The following ENOPH1 variants were observed in gnomAD, a reference collection of about 807,000 sequenced individuals.
ENOPH1 encodes the protein enolase-phosphatase E1.
A neutral mutation model predicts 31.1 loss-of-function variants in ENOPH1; 14 were observed. The observed-to-expected ratio is 0.45, with a 90% confidence interval of 0.30 to 0.70. The LOEUF (loss-of-function observed/expected upper bound fraction) is 0.70. ENOPH1 is among the 30% of genes least tolerant of loss of function. The pLI is 0.09. For synonymous variants in ENOPH1, 127 were observed against 123.2 expected, an observed-to-expected ratio of 1.03 and a Z score of -0.21; for missense variants, 243 against 321.5, an observed-to-expected ratio of 0.76 and a Z score of 1.87.
In ENOPH1 at chr4:82,451,192, G is replaced by T; in HGVS notation, c.336G>T (p.Gln112His). 6.2e-7 allele frequency: 1 copy of T among 1,614,226 alleles called. No individual in the cohort carries two copies. Among genetic ancestry groups the T allele is most frequent in the Non-Finnish European group, 8.5e-7 (1 of 1,180,036 alleles). Residue 112 changes from glutamine to histidine, a missense_variant, in exon 3 of 6, where the codon CAG becomes CAT. By Grantham distance (24) the Gln-to-His change is conservative (BLOSUM62 0). Transcript: ENST00000273920. ...SLDRKTTALK[Q>H]LQGHMWRAAF... Reference sequence around the variant, plus strand: ...ATCGAAAGACCACTGCACTCAAACAGCTGCAGGGCCACATGTGGAGGGCGG... The same window carrying T: ...ATCGAAAGACCACTGCACTCAAACATCTGCAGGGCCACATGTGGAGGGCGG...
chr4:82,459,854 C>A, intron 5 of ENOPH1, 127 bp from the exon 6 acceptor site: 1 of 967,864 alleles, frequency 1.0e-6, no homozygotes, highest in East Asian at 2.5e-5. Flanking sequence ...CTTTTAGCTT[C>A]AACAGTCATC....
In ENOPH1 at chr4:82,451,240, A is replaced by G. The variant is rs1238526135; in HGVS notation, c.384A>G (p.Lys128=). ...CGGCATTCACAGCTGGGCGCATGAA[A>G]GCAGAGTATGTGCTTGAGTCAGCCT... is the stretch of plus-strand genomic sequence containing the variant. ...WRAAFTAGRM[K]AEFFADVVPA... The change falls in exon 3 of 6, where the codon AAA becomes AAG. Residue 128 remains lysine (K), a synonymous_variant. Coordinates refer to ENST00000273920, the MANE Select transcript of ENOPH1 (RefSeq NM_021204.5). 15 of 1,614,082 alleles carry G rather than the reference A, an allele frequency of 9.3e-6. No individual in the cohort carries two copies. In the Middle Eastern group the frequency reaches 8.2e-4, roughly 88 times the overall value.
intron 4 of ENOPH1, 134 bp from the exon 5 acceptor site, chr4:82,456,781 A>G (rs781029322): frequency 1.1e-5 from 12 of 1,091,300 alleles, no homozygotes; most frequent in African/African-American, 1.6e-5. Flanking sequence ...GCCTCCATAA[A>G]GTTCCCTATT....
chr4:82,459,512 C>T (rs191116649), intron 5 of ENOPH1, among the ~76,000 whole-genome samples: 191 of 152,194 alleles, frequency 1.3e-3, no homozygotes, highest in African/African-American at 4.4e-3. Flanking sequence ...AGGCTGGTCT[C>T]GAACTCTTGG....
intron 1 of ENOPH1, among the ~76,000 whole-genome samples, chr4:82,441,863 T>A (rs990050235): frequency 2.6e-5 from 4 of 152,140 alleles, no homozygotes; most frequent in African/African-American, 9.7e-5. Flanking sequence ...ATCACAGACA[T>A]CTGGCAGTAA....
chr4:82,458,276 G>T (rs1418256598), intron 5 of ENOPH1, among the ~76,000 whole-genome samples: 1 of 152,182 alleles, frequency 6.6e-6, no homozygotes, highest in Non-Finnish European at 1.5e-5. Context: ...GGAGGCCAAG[G>T]TGGGTGGATC....
intron 1 of ENOPH1, among the ~76,000 whole-genome samples, chr4:82,437,169 C>T (rs1252054203): frequency 6.6e-6 from 1 of 152,172 alleles, no homozygotes; most frequent in Non-Finnish European, 1.5e-5. Context: ...GTGGCATTAG[C>T]ATAATCTTTC....
intron 1 of ENOPH1, among the ~76,000 whole-genome samples, chr4:82,445,353 A>G (rs1722149132): frequency 6.6e-6 from 1 of 152,212 alleles, no homozygotes; most frequent in South Asian, 2.1e-4. Flanking sequence ...ATTGGATAAA[A>G]TTTTCACAAT....
At chr4:82,435,996 G>A (rs954520642) in intron 1 of ENOPH1, among the ~76,000 whole-genome samples, 3 of 152,198 alleles carry the variant, frequency 2.0e-5, no homozygotes, top group African/African-American at 4.8e-5. Context: ...AATGCAGGAA[G>A]TGTCAGACTG....
intron 1 of ENOPH1, among the ~76,000 whole-genome samples, chr4:82,438,125 A>G (rs964131583): frequency 1.3e-5 from 2 of 152,232 alleles, no homozygotes; most frequent in African/African-American, 4.8e-5. Context: ...GCATCTGTTA[A>G]TGTAAGACTA....
intron 3 of ENOPH1, 93 bp downstream of exon 3, chr4:82,451,338 T>A: frequency 8.4e-7 from 1 of 1,195,988 alleles, no homozygotes; most frequent in Non-Finnish European, 1.2e-6. Flanking sequence ...GTCACAAGAC[T>A]GGTAAAACAG....
chr4:82,443,335 G>T (rs990911990), intron 1 of ENOPH1, among the ~76,000 whole-genome samples: 2 of 152,006 alleles, frequency 1.3e-5, no homozygotes, highest in Admixed American at 6.6e-5. Context: ...CTACTCAGGA[G>T]GCTGAGGTGG....
At chr4:82,451,314 T>TCTTTCCAG in intron 3 of ENOPH1, 69 bp downstream of exon 3, 1 of 1,451,000 alleles carries the variant, frequency 6.9e-7, no homozygotes. Flanking sequence ...ACCAGTCCTC[T>TCTTTCCAG]CTTTCCAGCG....
In ENOPH1 at chr4:82,460,196, A is replaced by C; in HGVS notation, c.*76A>C. On this transcript the variant is annotated 3_prime_UTR_variant, in exon 6 of 6. Coordinates refer to ENST00000273920, the MANE Select transcript of ENOPH1 (RefSeq NM_021204.5). ...TGTCTAGGTTTATTCTAATGGTAAAAGTAACTTACTTAAAAAACATATGTA... is the reference window on the plus strand; with the variant it reads ...TGTCTAGGTTTATTCTAATGGTAAACGTAACTTACTTAAAAAACATATGTA... 6.7e-7 allele frequency: 1 copy of C among 1,496,594 alleles called. No individual in the cohort carries two copies. Among genetic ancestry groups the C allele is most frequent in the Non-Finnish European group, 9.2e-7 (1 of 1,087,842 alleles). 92.7% of individuals were successfully genotyped at this position (1,496,594 alleles called of 1,614,324 possible).
Position 82,457,039 on chromosome 4 carries a change from G to C in ENOPH1, c.646+1G>C. On this transcript the variant is annotated splice_donor_variant, in intron 5 of 5. Transcript: ENST00000273920. LOFTEE classifies it high-confidence loss of function. ...TTGTTTCTGACAGATGTTACTCGAG[G>C]TGAGTAATAGACTTCTTATATTATA... The C allele has an allele frequency of 6.2e-7, 1 of 1,613,688 alleles. No homozygotes were observed. Among genetic ancestry groups the C allele is most frequent in the Non-Finnish European group, 8.5e-7 (1 of 1,179,790 alleles).
intron 1 of ENOPH1, among the ~76,000 whole-genome samples, chr4:82,439,755 T>C (rs1004096499): frequency 6.6e-6 from 1 of 152,136 alleles, no homozygotes. Flanking sequence ...GTGGTGGCAG[T>C]GGTGAGAAGT....
intron 1 of ENOPH1, 120 bp downstream of exon 1, chr4:82,431,033 G>C (rs35117197): frequency 0.091 from 76,423 of 841,554 alleles, 4,065 homozygotes; most frequent in African/African-American, 0.2. Flanking sequence ...GCTGCCTCTT[G>C]TGTGGAATGG....
At chr4:82,450,714 G>C (rs1722326020) in intron 2 of ENOPH1, among the ~76,000 whole-genome samples, 1 of 152,192 alleles carries the variant, frequency 6.6e-6, no homozygotes, top group Non-Finnish European at 1.5e-5. Context: ...AAAATTATCA[G>C]ATTGAGTTAA....
At chr4:82,458,678 T>G (rs1415326215) in intron 5 of ENOPH1, among the ~76,000 whole-genome samples, 3 of 152,154 alleles carry the variant, frequency 2.0e-5, no homozygotes, top group Non-Finnish European at 4.4e-5. Flanking sequence ...TCAAGTCCCA[T>G]GTGGATTGTG....
Sources: allele counts gnomAD v4.1 joint callset (sites outside exome capture counted in the v4.1 genomes callset), GRCh38; gene constraint gnomAD v4.1.1; transcripts MANE v1.5; gene names NCBI Gene and HGNC (gene_info 2026-07-23, HGNC 2026-07-21).